Variants in LRRC4C observed in about 807,000 individuals in gnomAD.
LRRC4C encodes leucine-rich repeat-containing protein 4C.
Under a neutral mutation model 33.6 loss-of-function variants are expected in LRRC4C, and 5 were observed. That is an observed-to-expected ratio of 0.15 (90% CI 0.08 to 0.31). The LOEUF is 0.31. Among genes scored for constraint, LRRC4C ranks in the 10% least tolerant of loss-of-function variants. The pLI is 1.00. For missense variants in LRRC4C, 560 were observed against 796.7 expected (o/e 0.70, Z 3.58); for synonymous variants, 329 against 302.0 (o/e 1.09, Z -0.93).
At chr11:41,154,882 T>A (rs1590775182) in intron 1 of LRRC4C, among the ~76,000 whole-genome samples, 1 of 152,250 alleles carries the variant, frequency 6.6e-6, no homozygotes, top group South Asian at 2.1e-4. Flanking sequence ...AATTTGAAGA[T>A]AACTCACTAG....
intron 3 of LRRC4C, among the ~76,000 whole-genome samples, chr11:40,509,078 C>G (rs1442816343): frequency 2.0e-5 from 3 of 152,030 alleles, no homozygotes; most frequent in Admixed American, 6.6e-5. Context: ...TTTCTGATCA[C>G]ATATATCAAG....
At chr11:40,849,349 C>A (rs983712039) in intron 2 of LRRC4C, among the ~76,000 whole-genome samples, 1 of 152,192 alleles carries the variant, frequency 6.6e-6, no homozygotes, top group East Asian at 1.9e-4. Flanking sequence ...GTGACAAAAT[C>A]CCTCAGCATT....
chr11:40,956,741 T>G (rs1958972282), intron 1 of LRRC4C, among the ~76,000 whole-genome samples: 2 of 151,814 alleles, frequency 1.3e-5, no homozygotes, highest in African/African-American at 4.8e-5. Flanking sequence ...CAAGTTATTT[T>G]GGGCTAGGAC....
intron 1 of LRRC4C, among the ~76,000 whole-genome samples, chr11:41,325,528 CTATGTTTCACT>C (rs1206281916): frequency 1.4e-5 from 2 of 147,498 alleles, no homozygotes; most frequent in Non-Finnish European, 3.0e-5. Flanking sequence ...TCTCCCAAAA[CTATGTTTCACT>C]TATAAGGAAA....
chr11:40,116,445 C>T (rs1855442059), intron 6 of LRRC4C, 111 bp from the exon 7 acceptor site: 1 of 1,146,246 alleles, frequency 8.7e-7, no homozygotes, highest in South Asian at 1.9e-5. Context: ...ATGTGTGAGA[C>T]AAATTAAAAA....
chr11:41,110,973 C>T (rs1033813352), intron 1 of LRRC4C, among the ~76,000 whole-genome samples: 3 of 151,036 alleles, frequency 2.0e-5, no homozygotes, highest in African/African-American at 7.4e-5. Flanking sequence ...AGTTGTAACC[C>T]AAGAATTTGC....
chr11:41,216,911 T>C (rs1565487646), intron 1 of LRRC4C, among the ~76,000 whole-genome samples: 1 of 152,238 alleles, frequency 6.6e-6, no homozygotes, highest in Non-Finnish European at 1.5e-5. Flanking sequence ...CTCACTTGAT[T>C]CTTTAAAGCT....
chr11:41,349,320 A>G (rs893499537), intron 1 of LRRC4C, among the ~76,000 whole-genome samples: 7 of 152,168 alleles, frequency 4.6e-5, no homozygotes, highest in African/African-American at 1.4e-4. Context: ...TTGCTGGTGC[A>G]CATGCATGGA....
At chr11:40,910,134 A>C (rs1205851212) in intron 2 of LRRC4C, among the ~76,000 whole-genome samples, 1 of 152,202 alleles carries the variant, frequency 6.6e-6, no homozygotes, top group Non-Finnish European at 1.5e-5. Flanking sequence ...AATTCTACTA[A>C]GGAAAAGACT....
chr11:40,718,766 A>T (rs1206902811), intron 2 of LRRC4C, among the ~76,000 whole-genome samples: 1 of 152,192 alleles, frequency 6.6e-6, no homozygotes, highest in African/African-American at 2.4e-5. Flanking sequence ...GGTTGTAGGT[A>T]TTAGTCAACA....
At chr11:40,710,901 C>A (rs1370088408) in intron 2 of LRRC4C, among the ~76,000 whole-genome samples, 1 of 152,196 alleles carries the variant, frequency 6.6e-6, no homozygotes. Context: ...CAAGCCTCAG[C>A]AATTGTGGAT....
chr11:40,678,590 T>A (rs1944525487), intron 2 of LRRC4C, among the ~76,000 whole-genome samples: 1 of 152,130 alleles, frequency 6.6e-6, no homozygotes, highest in African/African-American at 2.4e-5. Flanking sequence ...AATTAAAACA[T>A]AGGGGTGGGT....
intron 1 of LRRC4C, among the ~76,000 whole-genome samples, chr11:40,962,291 TC>T (rs1047031408): frequency 2.0e-4 from 31 of 151,608 alleles, no homozygotes; most frequent in African/African-American, 7.5e-4. Flanking sequence ...AAATAGATTC[TC>T]CCCTTCATCA....
intron 3 of LRRC4C, among the ~76,000 whole-genome samples, chr11:40,397,425 A>G (rs1354585247): frequency 6.6e-6 from 1 of 152,154 alleles, no homozygotes; most frequent in Non-Finnish European, 1.5e-5. Context: ...AAAGAAAAAA[A>G]CGTTTTAAAA....
rs555865841 is a variant in LRRC4C at position 41,387,119 on chromosome 11, G to A, written c.-496+72312C>T. 1.4e-4 allele frequency among the ~76,000 whole-genome samples: 21 copies of A among 151,818 alleles called. No homozygotes were observed. The South Asian group carries it at 3.7e-3, about 27-fold the overall frequency. Reference sequence around the variant, plus strand: ...ACTATATGCAAAGCAGGCTCCTGGGGTCAAATGTCTTTATTAACTGATAAA... The same window carrying A: ...ACTATATGCAAAGCAGGCTCCTGGGATCAAATGTCTTTATTAACTGATAAA... On this transcript the variant is annotated intron_variant, in intron 1 of 6. Transcript: ENST00000528697.
At chr11:41,309,762 T>C (rs892500633) in intron 1 of LRRC4C, among the ~76,000 whole-genome samples, 2 of 152,242 alleles carry the variant, frequency 1.3e-5, no homozygotes, top group South Asian at 2.1e-4. Context: ...CTTTCACTTT[T>C]AGCAGATGAA....
intron 1 of LRRC4C, among the ~76,000 whole-genome samples, chr11:41,310,618 A>G (rs1950618568): frequency 6.6e-6 from 1 of 152,236 alleles, no homozygotes; most frequent in Non-Finnish European, 1.5e-5. Flanking sequence ...GCTCTTAACA[A>G]GTAATCAAGT....
chr11:40,256,106 C>A (rs1028535874), intron 4 of LRRC4C, among the ~76,000 whole-genome samples: 1 of 152,190 alleles, frequency 6.6e-6, no homozygotes, highest in Non-Finnish European at 1.5e-5. Context: ...TCCACTCATG[C>A]ATTCTGCAGA....
intron 3 of LRRC4C, among the ~76,000 whole-genome samples, chr11:40,537,563 T>G (rs1956527544): frequency 6.6e-6 from 1 of 152,166 alleles, no homozygotes; most frequent in African/African-American, 2.4e-5. Context: ...ACAAAGACTT[T>G]ATAAGCACAA....
Sources: allele counts gnomAD v4.1 joint callset (sites outside exome capture counted in the v4.1 genomes callset), GRCh38; gene constraint gnomAD v4.1.1; transcripts MANE v1.5; gene names NCBI Gene and HGNC (gene_info 2026-07-23, HGNC 2026-07-21).